Variants in CTSB observed in about 807,000 individuals in gnomAD.
The protein encoded by CTSB is cathepsin B, also known as APP secretase.
In CTSB, 57 loss-of-function variants were observed where a neutral mutation model predicts 44.3. The ratio of observed to expected loss-of-function variants is 1.29; its 90% CI spans 1.04 to 1.60. The LOEUF (loss-of-function observed/expected upper bound fraction) is 1.60, where lower values mean the gene tolerates loss of function less well. Ranked by LOEUF, CTSB falls within the 40% of genes most tolerant of loss-of-function variation. CTSB has a pLI of 0.00. For synonymous variants in CTSB, 320 were observed against 168.0 expected, an observed-to-expected ratio of 1.91 and a Z score of -7.00; for missense variants, 768 against 443.0, an observed-to-expected ratio of 1.73 and a Z score of -6.59.
intron 8 of CTSB, 46 bp downstream of exon 8, chr8:11,847,006 C>T (rs765281742): frequency 5.4e-6 from 5 of 930,760 alleles, no homozygotes; most frequent in South Asian, 5.2e-5. Context: ...ACCCAGGCTC[C>T]CCTCCCGACC....
chr8:11,867,499 C>G (rs1355205812), intron 1 of CTSB: 1 of 152,300 alleles, frequency 6.6e-6, no homozygotes, highest in Non-Finnish European at 1.5e-5. Context: ...TGCGTGGGAT[C>G]TTGCGCAGAA....
chr8:11,848,319 GATAAGCACAGCTTGCAGGGA>G (rs1563391517), intron 5 of CTSB, 167 bp from the exon 6 acceptor site: 1 of 699,922 alleles, frequency 1.4e-6, no homozygotes, highest in Non-Finnish European at 2.6e-6. Context: ...ACGCTCCCTA[GATAAGCACAGCTTGCAGGGA>G]ATAACCGCCA....
chr8:11,845,322 T>C, intron 9 of CTSB, 100 bp from the exon 10 acceptor site: 1 of 911,948 alleles, frequency 1.1e-6, no homozygotes. Flanking sequence ...CCCTGGCCAC[T>C]CCTGCTGTTG....
At chr8:11,848,502 A>C (rs892012302) in intron 5 of CTSB, 2 of 392,358 alleles carry the variant, frequency 5.1e-6, no homozygotes, top group African/African-American at 4.1e-5. Context: ...AAACACCACC[A>C]GTTCTCTGAA....
At chr8:11,866,366 G>A (rs1817151369) in intron 1 of CTSB, among the ~76,000 whole-genome samples, 1 of 152,242 alleles carries the variant, frequency 6.6e-6, no homozygotes, top group Non-Finnish European at 1.5e-5. Context: ...CTGTGCCAGG[G>A]CCGTGTCTGG....
chr8:11,849,233 A>C, intron 4 of CTSB, 69 bp from the exon 5 acceptor site: 1 of 1,279,292 alleles, frequency 7.8e-7, no homozygotes. Flanking sequence ...AGTCCCCTCA[A>C]AGGGCCACAG....
At chr8:11,848,871 C>T (rs1813969996) in intron 5 of CTSB, among the ~76,000 whole-genome samples, 175 bp downstream of exon 5, 1 of 152,206 alleles carries the variant, frequency 6.6e-6, no homozygotes, top group Non-Finnish European at 1.5e-5. Context: ...TTGGTTCAGG[C>T]ACCTCCCAGG....
At chr8:11,846,906 C>A (rs898288717) in intron 8 of CTSB, 146 bp downstream of exon 8, 1 of 643,210 alleles carries the variant, frequency 1.6e-6, no homozygotes, top group Non-Finnish European at 2.8e-6. Flanking sequence ...GAGGAGTGAG[C>A]CTATATGGAA....
chr8:11,847,035 C>G lies in CTSB; in HGVS notation c.793+17G>C, dbSNP rs759732368. 3.4e-6 allele frequency: 3 copies of G among 895,150 alleles called. No homozygotes were observed. The highest frequency in any genetic ancestry group is 3.3e-5 in the African/African-American group (2 of 59,892). The allele number at this position is 895,150 out of a possible 1,614,324, so 55.5% of individuals were successfully genotyped here. A position where few individuals can be genotyped will look rare whatever the true frequency, so the allele number is the denominator to read the frequency against. ...CCCGACCCCCACCCTCTATTGCCAT[C>G]AGCCATCAGCACGCACCTGACTTGT... On this transcript the variant is annotated intron_variant, in intron 8 of 9. Transcript: ENST00000353047.
At chr8:11,849,244 G>A (rs542213504) in intron 4 of CTSB, 80 bp from the exon 5 acceptor site, 11 of 1,086,574 alleles carry the variant, frequency 1.0e-5, no homozygotes, top group Admixed American at 5.4e-5. Context: ...AGGGCCACAG[G>A]GGCACCTCAG....
chr8:11,861,749 G>A (rs1430514053), intron 1 of CTSB, among the ~76,000 whole-genome samples: 4 of 152,196 alleles, frequency 2.6e-5, no homozygotes, highest in Non-Finnish European at 4.4e-5. Context: ...CCTTGGGCCT[G>A]CTTTATAAAA....
At position 11,855,560 on chromosome 8, in the gene CTSB, T is replaced by C. The variant is rs563526099; in HGVS notation, c.-25-2081A>G. Among the ~76,000 whole-genome samples, 2 of 152,236 alleles carry C rather than the reference T, an allele frequency of 1.3e-5. 1 individual carries two copies. The highest frequency in any genetic ancestry group is 4.1e-4 in the South Asian group (2 of 4,832). ...TTAGGATTGACAGGAAACACAGCCT[T>C]CAAGGGAAAATGCTTGCATTACACT... is the stretch of plus-strand genomic sequence containing the variant. On this transcript the variant is annotated intron_variant, in intron 1 of 9. Transcript: ENST00000353047.
chr8:11,860,074 A>AG (rs970077440), intron 1 of CTSB, among the ~76,000 whole-genome samples: 2 of 152,092 alleles, frequency 1.3e-5, no homozygotes, highest in African/African-American at 4.8e-5. Context: ...TCTGTCTCAG[A>AG]GAAAAAAAAA....
chr8:11,855,828 G>A (rs909255915), intron 1 of CTSB, among the ~76,000 whole-genome samples: 2 of 151,924 alleles, frequency 1.3e-5, no homozygotes, highest in East Asian at 3.9e-4. Context: ...GACCAGCCTG[G>A]CCAACATGGT....
intron 1 of CTSB, among the ~76,000 whole-genome samples, chr8:11,855,588 A>G (rs1456243983): frequency 1.3e-5 from 2 of 152,250 alleles, no homozygotes; most frequent in Admixed American, 6.5e-5. Context: ...ATTACACTGA[A>G]AAGTCTCTTT....
chr8:11,846,692 G>C (rs962330393), intron 8 of CTSB, among the ~76,000 whole-genome samples: 2 of 152,234 alleles, frequency 1.3e-5, no homozygotes, highest in African/African-American at 4.8e-5. Flanking sequence ...ACAGAAACAT[G>C]CTGGTAAAGC....
Position 11,847,097 on chromosome 8 carries a change from C to A in CTSB, c.748G>T (p.Glu250Ter). ...TCCGAATACACAGAGAAAGCTCCCT[C>A]CACGGGGCCGTTTTTGTAGATCTCG... is the stretch of plus-strand genomic sequence containing the variant. ...MAEIYKNGPV[E>*]GAFSVYSDFL... is the part of the protein sequence containing the mutation. Residue 250 changes from glutamate (E) to a stop codon, truncating the protein, a stop_gained, in exon 8 of 10, where the codon GAG (glutamate) becomes TAG (stop). Coordinates refer to ENST00000353047, the MANE Select transcript of CTSB (RefSeq NM_001908.5). LOFTEE classifies it high-confidence loss of function. The A allele has an allele frequency of 6.2e-7, 1 of 1,613,762 alleles. No homozygotes were observed. Among genetic ancestry groups the A allele is most frequent in the Non-Finnish European group, 8.5e-7 (1 of 1,179,626 alleles).
At chr8:11,867,684 G>A (rs958032875) in intron 1 of CTSB, 1 of 152,268 alleles carries the variant, frequency 6.6e-6, no homozygotes, top group Admixed American at 6.5e-5. Flanking sequence ...CGCCTCCCTC[G>A]GCGGTCCTGG....
At chr8:11,851,378 C>A (rs980238251) in intron 3 of CTSB, among the ~76,000 whole-genome samples, 6 of 151,878 alleles carry the variant, frequency 4.0e-5, no homozygotes, top group Admixed American at 1.3e-4. Context: ...TTAGTAAAGA[C>A]AGGGTTTCAC....
Sources: allele counts gnomAD v4.1 joint callset (sites outside exome capture counted in the v4.1 genomes callset), GRCh38; gene constraint gnomAD v4.1.1; transcripts MANE v1.5; gene names NCBI Gene and HGNC (gene_info 2026-07-23, HGNC 2026-07-21).